ELN: variants seen among roughly 807,000 people sequenced by gnomAD.
ELN encodes elastin.
A neutral mutation model predicts 105.8 loss-of-function variants in ELN; 65 were observed. The ratio of observed to expected loss-of-function variants is 0.61; its 90% CI spans 0.50 to 0.75. ELN has a LOEUF of 0.75. ELN is among the 30% of genes least tolerant of loss of function. The pLI, the probability that ELN is intolerant of heterozygous loss-of-function variation, is 0.00. For missense variants in ELN, 882 were observed against 969.4 expected (o/e 0.91, Z 1.20); for synonymous variants, 368 against 389.2 (o/e 0.95, Z 0.64).
intron 8 of ELN, chr7:74,043,481 G>T: frequency 1.5e-6 from 1 of 688,028 alleles, no homozygotes; most frequent in African/African-American, 1.8e-5. Context: ...AGCGAGTCCC[G>T]GCAGAGCTGG....
At chr7:74,053,000 T>A in intron 17 of ELN, 163 bp from the exon 18 acceptor site, 1 of 976,646 alleles carries the variant, frequency 1.0e-6, no homozygotes, top group Non-Finnish European at 1.6e-6. Flanking sequence ...ACCCTCTTAG[T>A]CTCTCCACAT....
At chr7:74,046,493 G>C (rs1286821713) in intron 11 of ELN, among the ~76,000 whole-genome samples, 1 of 152,268 alleles carries the variant, frequency 6.6e-6, no homozygotes, top group Non-Finnish European at 1.5e-5. Context: ...AGGAGGGAGA[G>C]AATCCCGTAG....
intron 31 of ELN, among the ~76,000 whole-genome samples, chr7:74,066,430 C>T (rs904221640): frequency 1.3e-5 from 2 of 151,842 alleles, no homozygotes; most frequent in Non-Finnish European, 1.5e-5. Context: ...ATTAGCCAAA[C>T]GTGGTGGACG....
At chr7:74,067,758 G>A (rs1469613683) in intron 32 of ELN, among the ~76,000 whole-genome samples, 7 of 138,168 alleles carry the variant, frequency 5.1e-5, no homozygotes, top group African/African-American at 1.9e-4. Context: ...GCAAGACTCC[G>A]TCTCAAAAAA....
intron 26 of ELN, among the ~76,000 whole-genome samples, chr7:74,061,635 G>A (rs1380034652): frequency 6.6e-6 from 1 of 152,162 alleles, no homozygotes. Context: ...CTGGACGACA[G>A]AGCGAGACTG....
chr7:74,030,216 C>T (rs1308199242), intron 1 of ELN, among the ~76,000 whole-genome samples: 1 of 152,178 alleles, frequency 6.6e-6, no homozygotes, highest in African/African-American at 2.4e-5. Flanking sequence ...GGAGCCAACA[C>T]AGGGAGTGGA....
Position 74,065,755 on chromosome 7 carries a change from C to A in ELN, c.2032+23C>A, listed in dbSNP as rs1369449423. On this transcript the variant is annotated intron_variant, in intron 30 of 32. Transcript: ENST00000252034. ...ACGGTGAGTTCCCCTCTGATGCCTTCCTGCCAGTGGCCTGCACCCCCTGCC... is the reference window on the plus strand; with the variant it reads ...ACGGTGAGTTCCCCTCTGATGCCTTACTGCCAGTGGCCTGCACCCCCTGCC... 5.0e-6 allele frequency: 8 copies of A among 1,613,990 alleles called. No homozygotes were observed. In the East Asian group the frequency reaches 1.8e-4, roughly 36 times the overall value.
At chr7:74,039,151 T>A (rs1469124845) in intron 4 of ELN, among the ~76,000 whole-genome samples, 1 of 152,184 alleles carries the variant, frequency 6.6e-6, no homozygotes, top group African/African-American at 2.4e-5. Flanking sequence ...ACATAGCAGG[T>A]TGTGGTTAAA....
rs533339250 is a variant in ELN, at chr7:74,069,775, G to A, written c.*1075G>A. The A allele has an allele frequency of 4.4e-6, 1 of 224,762 alleles. No homozygotes were observed. The highest frequency in any genetic ancestry group is 2.2e-5 in the African/African-American group (1 of 44,794). 13.9% of individuals were successfully genotyped at this position (224,762 alleles called of 1,614,324 possible). ...ATAATTTTTTTTTCTGATCCGGGGA[G>A]CTGTATCCCCAGTAGAAAAAACATT... On this transcript the variant is annotated 3_prime_UTR_variant, in exon 33 of 33. Coordinates refer to ENST00000252034, the MANE Select transcript of ELN (RefSeq NM_000501.4).
chr7:74,061,056 C>G (rs1796536192), intron 25 of ELN, 45 bp from the exon 26 acceptor site: 4 of 1,613,404 alleles, frequency 2.5e-6, no homozygotes, highest in African/African-American at 1.3e-5. Context: ...CTCCCAGGCA[C>G]AGAGCTCGGC....
chr7:74,049,540 TC>T (rs1793410076), intron 15 of ELN, among the ~76,000 whole-genome samples: 1 of 151,284 alleles, frequency 6.6e-6, no homozygotes. Context: ...CATGCATCCA[TC>T]TATCCCTCCA....
At chr7:74,047,653 G>A (rs985241591) in intron 12 of ELN, 22 bp from the exon 13 acceptor site, 1 of 1,614,174 alleles carries the variant, frequency 6.2e-7, no homozygotes. Flanking sequence ...CAGCCCCTGA[G>A]TTTGCTCTGT....
chr7:74,066,299 G>T (rs1797945478), intron 31 of ELN, among the ~76,000 whole-genome samples: 2 of 152,210 alleles, frequency 1.3e-5, no homozygotes. Flanking sequence ...GGGCGTGGTG[G>T]CTCACGCCTG....
intron 15 of ELN, among the ~76,000 whole-genome samples, chr7:74,049,702 A>T (rs1554674765): frequency 6.8e-6 from 1 of 147,590 alleles, no homozygotes; most frequent in Non-Finnish European, 1.5e-5. Flanking sequence ...CCATCCATCC[A>T]TCCACCCATC....
rs782166146 is a variant in ELN at position 74,060,015 on chromosome 7, T to TGGCTCCCGGCATTGGCCC, written c.1545_1562dup (p.Ala516_Pro521dup). On this transcript the variant is annotated inframe_insertion, in exon 23 of 33. Transcript: ENST00000252034. ...GTTGGTGTGGCTCCTGGCGTTGGCG[T>TGGCTCCCGGCATTGGCCC]GGCTCCCGGCATTGGCCCTGGTGGA... 1.2e-6 allele frequency: 2 copies of TGGCTCCCGGCATTGGCCC among 1,613,976 alleles called. No homozygotes were observed. The highest frequency in any genetic ancestry group is 1.7e-6 in the Non-Finnish European group (2 of 1,179,982).
chr7:74,039,822 A>C (rs1584516255), intron 4 of ELN, among the ~76,000 whole-genome samples: 1 of 152,372 alleles, frequency 6.6e-6, no homozygotes, highest in African/African-American at 2.4e-5. Context: ...TGTAGATGGC[A>C]AAAACTAAGC....
Position 74,063,041 on chromosome 7 carries a change from T to G in ELN, c.1787-112T>G. The stretch of plus-strand genomic sequence containing the variant: ...ATGGACTGGACTTCCTGTCCACTGC[T>G]CCTCCACAGTGTCACATGGCCCCTG... On this transcript the variant is annotated intron_variant, in intron 26 of 32. Coordinates refer to ENST00000252034, the MANE Select transcript of ELN (RefSeq NM_000501.4). This position sits in a 1 kb window ranked among gnomAD's most constrained non-coding sequence, Gnocchi z 4.1. 7.5e-7 allele frequency: 1 copy of G among 1,335,782 alleles called. No individual in the cohort carries two copies. Among genetic ancestry groups the G allele is most frequent in the African/African-American group, 1.5e-5 (1 of 68,468 alleles). The allele number at this position is 1,335,782 out of a possible 1,614,324, so 82.7% of individuals were successfully genotyped here. A position where few individuals can be genotyped will look rare whatever the true frequency, so the allele number is the denominator to read the frequency against.
Position 74,063,169 on chromosome 7 carries a change from G to A in ELN, c.1803G>A (p.Gly601=). 1 of 1,608,528 alleles carries A rather than the reference G, an allele frequency of 6.2e-7. No individual in the cohort carries two copies. The highest frequency in any genetic ancestry group is 8.5e-7 in the Non-Finnish European group (1 of 1,178,450). ...KAAKYGAAVP[G]VLGGLGALGG... Reference sequence around the variant, plus strand: ...TCCCCGCAGGAGCAGCAGTGCCTGGGGTCCTTGGAGGGCTCGGGGCTCTCG... The same window carrying A: ...TCCCCGCAGGAGCAGCAGTGCCTGGAGTCCTTGGAGGGCTCGGGGCTCTCG... Residue 601 remains glycine, a synonymous_variant, in exon 27 of 33, where the codon GGG becomes GGA. Coordinates refer to ENST00000252034, the MANE Select transcript of ELN (RefSeq NM_000501.4). This position sits in a 1 kb window ranked among gnomAD's most constrained non-coding sequence, Gnocchi z 4.1.
intron 18 of ELN, among the ~76,000 whole-genome samples, chr7:74,053,535 C>A (rs1794579584): frequency 6.6e-6 from 1 of 152,182 alleles, no homozygotes; most frequent in African/African-American, 2.4e-5. Context: ...TTCTGGCTAT[C>A]AGTGTTCTCT....
Sources: gnomAD v4.1 joint callset for allele counts (sites outside exome capture counted in the v4.1 genomes callset) on GRCh38, gnomAD v4.1.1 for gene constraint, Gnocchi (gnomAD v3.1) non-coding constraint, MANE v1.5 for transcripts, NCBI Gene and HGNC (gene_info 2026-07-23, HGNC 2026-07-21) for gene names.